Variants in PIKFYVE observed in about 807,000 individuals in gnomAD.
The protein encoded by PIKFYVE is 1-phosphatidylinositol 3-phosphate 5-kinase.
Under a neutral mutation model 257.9 loss-of-function variants are expected in PIKFYVE, and 122 were observed. The ratio of observed to expected loss-of-function variants is 0.47; its 90% CI spans 0.41 to 0.55. The LOEUF is 0.55. Ranked by LOEUF, PIKFYVE falls within the 20% of genes least tolerant of loss-of-function variation. PIKFYVE has a pLI of 0.00. For missense variants in PIKFYVE, 2,160 were observed against 2,536.6 expected (o/e 0.85, Z 3.19); for synonymous variants, 892 against 868.9 (o/e 1.03, Z -0.47).
At chr2:208,349,469 T>C (rs1489386522) in intron 35 of PIKFYVE, among the ~76,000 whole-genome samples, 5 of 150,118 alleles carry the variant, frequency 3.3e-5, no homozygotes, top group Admixed American at 2.0e-4. Flanking sequence ...AAATATGTTT[T>C]AAGTATATTA....
chr2:208,288,518 G>A lies in PIKFYVE; in HGVS notation c.822-211G>A, dbSNP rs550022276. Among the ~76,000 whole-genome samples, 17 of 152,162 alleles carry A rather than the reference G, an allele frequency of 1.1e-4. No homozygotes were observed. The South Asian group carries it at 3.3e-3, about 30-fold the overall frequency. On this transcript the variant is annotated intron_variant, in intron 6 of 41. Transcript: ENST00000264380. The stretch of plus-strand genomic sequence containing the variant: ...ATATACTTAAAAACTTTTTAAAATT[G>A]TCATTTCGGCATTTTATATTCTTAA...
intron 5 of PIKFYVE, among the ~76,000 whole-genome samples, chr2:208,280,973 T>C (rs1024877443): frequency 6.6e-6 from 1 of 152,236 alleles, no homozygotes; most frequent in African/African-American, 2.4e-5. Flanking sequence ...CACCCTGGGA[T>C]CCAGTGATCC....
Position 208,357,183 on chromosome 2 carries a change from AAAAT to A in PIKFYVE, c.*1883_*1886del, listed in dbSNP as rs1331368988. ...ATTAAAGGAGCTGTACAGAGGTAAA[AAAAT>A]AAATGTGGAACATTATTAACTTACT... On this transcript the variant is annotated 3_prime_UTR_variant, in exon 42 of 42. Transcript: ENST00000264380. 6.6e-6 allele frequency: 1 copy of A among 152,256 alleles called. No individual in the cohort carries two copies. The highest frequency in any genetic ancestry group is 1.5e-5 in the Non-Finnish European group (1 of 68,048). 9.4% of individuals were successfully genotyped at this position (152,256 alleles called of 1,614,324 possible).
intron 12 of PIKFYVE, among the ~76,000 whole-genome samples, chr2:208,307,891 G>A (rs1170388875): frequency 6.6e-6 from 1 of 152,134 alleles, no homozygotes; most frequent in Non-Finnish European, 1.5e-5. Flanking sequence ...AGAGGCAAAG[G>A]CAATGGTCAT....
At chr2:208,302,578 A>G (rs1693827345) in intron 10 of PIKFYVE, 1 of 505,028 alleles carries the variant, frequency 2.0e-6, no homozygotes, top group African/African-American at 1.9e-5. Flanking sequence ...ATCAGACAAT[A>G]AAAAAGGAAA....
At chr2:208,311,993 A>G (rs1396009738) in intron 12 of PIKFYVE, among the ~76,000 whole-genome samples, 1 of 152,202 alleles carries the variant, frequency 6.6e-6, no homozygotes, top group African/African-American at 2.4e-5. Context: ...TGAATTAAGG[A>G]GAATTGTTTT....
intron 29 of PIKFYVE, 73 bp downstream of exon 29, chr2:208,338,641 CTGTT>C: frequency 3.4e-6 from 5 of 1,477,062 alleles, no homozygotes; most frequent in East Asian, 2.3e-5. Flanking sequence ...TTGTTTTAAA[CTGTT>C]TGAGCAGTTT....
chr2:208,340,010 G>A lies in PIKFYVE; in HGVS notation c.4811-1G>A. On this transcript the variant is annotated splice_acceptor_variant, in intron 30 of 41. Coordinates refer to ENST00000264380, the MANE Select transcript of PIKFYVE (RefSeq NM_015040.4). LOFTEE classifies it high-confidence loss of function. ...TATAAGTAGACTATTTTTCATTTTA[G>A]ATGTGTTTGATGGGCATTTGCTGGG... 6.2e-7 allele frequency: 1 copy of A among 1,612,922 alleles called. No homozygotes were observed. The highest frequency in any genetic ancestry group is 8.5e-7 in the Non-Finnish European group (1 of 1,178,918).
At chr2:208,321,485 A>G (rs1438634630) in intron 17 of PIKFYVE, among the ~76,000 whole-genome samples, 1 of 152,192 alleles carries the variant, frequency 6.6e-6, no homozygotes, top group African/African-American at 2.4e-5. Flanking sequence ...CTGTGCTATC[A>G]GTAAAAATGA....
intron 39 of PIKFYVE, among the ~76,000 whole-genome samples, 186 bp downstream of exon 39, chr2:208,352,968 GAGTGGTCTTAAA>G (rs1223788165): frequency 6.6e-6 from 1 of 152,194 alleles, no homozygotes; most frequent in African/African-American, 2.4e-5. Flanking sequence ...TATTCTTGTG[GAGTGGTCTTAAA>G]ATACAGCATA....
At chr2:208,353,450 A>C (rs1197801927) in intron 39 of PIKFYVE, among the ~76,000 whole-genome samples, 1 of 152,116 alleles carries the variant, frequency 6.6e-6, no homozygotes, top group African/African-American at 2.4e-5. Context: ...CCTACCACCC[A>C]AATATTCCTG....
At chr2:208,319,335 C>T (rs1300508227) in intron 16 of PIKFYVE, among the ~76,000 whole-genome samples, 1 of 152,076 alleles carries the variant, frequency 6.6e-6, no homozygotes. Flanking sequence ...TGCAATAATT[C>T]GACATCAGTC....
At chr2:208,324,339 A>G in intron 18 of PIKFYVE, 57 bp downstream of exon 18, 1 of 1,547,454 alleles carries the variant, frequency 6.5e-7, no homozygotes, top group Non-Finnish European at 8.9e-7. Context: ...TTAAATTTAT[A>G]TGCACGTATG....
intron 12 of PIKFYVE, among the ~76,000 whole-genome samples, chr2:208,311,028 G>A (rs1574563724): frequency 6.6e-6 from 1 of 152,156 alleles, no homozygotes; most frequent in East Asian, 1.9e-4. Context: ...AACTTTGAAT[G>A]ATCGGGGGGA....
chr2:208,304,093 A>G, intron 10 of PIKFYVE, 78 bp from the exon 11 acceptor site: 1 of 1,507,666 alleles, frequency 6.6e-7, no homozygotes, highest in Non-Finnish European at 9.2e-7. Flanking sequence ...ATTGGACTAC[A>G]ATTTATTTAT....
intron 12 of PIKFYVE, among the ~76,000 whole-genome samples, chr2:208,311,161 G>A (rs903912568): frequency 1.6e-4 from 24 of 152,080 alleles, no homozygotes; most frequent in African/African-American, 5.8e-4. Flanking sequence ...CATTTCTGGA[G>A]TCTCATATAG....
At chr2:208,354,491 A>G (rs1700036647) in intron 40 of PIKFYVE, 80 bp from the exon 41 acceptor site, 6 of 1,218,548 alleles carry the variant, frequency 4.9e-6, no homozygotes, top group African/African-American at 1.5e-5. Context: ...TAGAAGTAGT[A>G]GTAATAGTCA....
At chr2:208,300,164 CA>C (rs1315960255) in intron 8 of PIKFYVE, among the ~76,000 whole-genome samples, 1 of 151,690 alleles carries the variant, frequency 6.6e-6, no homozygotes, top group East Asian at 1.9e-4. Flanking sequence ...TGTAAGAATT[CA>C]AAAAAACAGA....
intron 24 of PIKFYVE, 45 bp downstream of exon 24, chr2:208,333,538 T>A (rs753712907): frequency 1.9e-6 from 3 of 1,582,424 alleles, no homozygotes; most frequent in Non-Finnish European, 2.6e-6. Context: ...GATCTCATAA[T>A]CCCTTAAGAA....
Sources: gnomAD v4.1 joint callset for allele counts (sites outside exome capture counted in the v4.1 genomes callset) on GRCh38, gnomAD v4.1.1 for gene constraint, MANE v1.5 for transcripts, NCBI Gene and HGNC (gene_info 2026-07-23, HGNC 2026-07-21) for gene names.